Variants in POFUT3 observed in about 807,000 individuals in gnomAD.
POFUT3 encodes the protein protein O-fucosyltransferase 3, also known as GDP-fucose protein O-fucosyltransferase 3.
chr8:33,408,551 C>T, the POFUT3 span, among the ~76,000 whole-genome samples: 1 of 152,048 alleles, frequency 6.6e-6, no homozygotes, highest in African/African-American at 2.4e-5. Flanking sequence ...AGCATGGGCA[C>T]AAGAAGCATG....
the POFUT3 span, among the ~76,000 whole-genome samples, chr8:33,309,301 T>C: frequency 6.6e-6 from 1 of 150,604 alleles, no homozygotes; most frequent in African/African-American, 2.5e-5. Flanking sequence ...TGGCTTATTA[T>C]ATCTGCATTG....
At chr8:33,423,598 G>A in the POFUT3 span, among the ~76,000 whole-genome samples, 1 of 151,918 alleles carries the variant, frequency 6.6e-6, no homozygotes, top group Non-Finnish European at 1.5e-5. Context: ...ACCCTCACAG[G>A]CATGCCATAT....
At chr8:33,370,169 T>TAAAAAA in the POFUT3 span, among the ~76,000 whole-genome samples, 27 of 39,896 alleles carry the variant, frequency 6.8e-4, 4 homozygotes, top group South Asian at 3.1e-3. Flanking sequence ...CCATCTTTAC[T>TAAAAAA]AAAAAAAAAA....
At chr8:33,429,490 T>C in the POFUT3 span, among the ~76,000 whole-genome samples, 1 of 152,156 alleles carries the variant, frequency 6.6e-6, no homozygotes, top group South Asian at 2.1e-4. Flanking sequence ...TTCCAAGGAA[T>C]AATACAGTAT....
the POFUT3 span, among the ~76,000 whole-genome samples, chr8:33,458,953 G>A: frequency 1.3e-5 from 2 of 152,150 alleles, no homozygotes; most frequent in South Asian, 4.1e-4. Context: ...CTACACAGAA[G>A]GGAGATCCTG....
At chr8:33,385,886 A>T in the POFUT3 span, among the ~76,000 whole-genome samples, 3 of 151,836 alleles carry the variant, frequency 2.0e-5, no homozygotes, top group African/African-American at 7.3e-5. Context: ...CCTGTAAAAT[A>T]AGTGCAAATG....
At chr8:33,318,380 G>A in the POFUT3 span, among the ~76,000 whole-genome samples, 1 of 148,164 alleles carries the variant, frequency 6.7e-6, no homozygotes, top group Non-Finnish European at 1.5e-5. Flanking sequence ...TGCACAAAAA[G>A]GGAAAAGAGT....
the POFUT3 span, among the ~76,000 whole-genome samples, chr8:33,314,015 T>A: frequency 1.3e-5 from 2 of 152,166 alleles, no homozygotes; most frequent in Non-Finnish European, 2.9e-5. Flanking sequence ...CCTCTAGGTA[T>A]CCTTTGTGCT....
the POFUT3 span, among the ~76,000 whole-genome samples, chr8:33,441,341 A>AC: frequency 1.3e-5 from 2 of 151,064 alleles, no homozygotes; most frequent in African/African-American, 4.9e-5. Flanking sequence ...AAAAAAAAAA[A>AC]AATGCAAGTT....
the POFUT3 span, among the ~76,000 whole-genome samples, chr8:33,425,086 A>G: frequency 2.0e-5 from 3 of 152,200 alleles, no homozygotes; most frequent in African/African-American, 7.2e-5. Context: ...CTGTAATCCC[A>G]GGACTTTGGG....
the POFUT3 span, among the ~76,000 whole-genome samples, chr8:33,346,605 G>A: frequency 3.3e-5 from 5 of 152,178 alleles, no homozygotes; most frequent in South Asian, 6.2e-4. Context: ...GATGTTACTC[G>A]ATATTCCACA....
the POFUT3 span, among the ~76,000 whole-genome samples, chr8:33,461,907 C>T: frequency 6.6e-6 from 1 of 151,622 alleles, no homozygotes; most frequent in Non-Finnish European, 1.5e-5. Flanking sequence ...CTCCTGTAAT[C>T]CCAGCACTTT....
At chr8:33,405,786 C>G in the POFUT3 span, among the ~76,000 whole-genome samples, 1 of 152,086 alleles carries the variant, frequency 6.6e-6, no homozygotes, top group Non-Finnish European at 1.5e-5. Flanking sequence ...GTGTCCTAAG[C>G]TTTTCTGAGA....
the POFUT3 span, among the ~76,000 whole-genome samples, chr8:33,469,576 G>A: frequency 6.6e-6 from 1 of 152,028 alleles, no homozygotes; most frequent in Non-Finnish European, 1.5e-5. Flanking sequence ...GAACACCTCT[G>A]CACTTCTATT....
At chr8:33,413,512 G>A in the POFUT3 span, among the ~76,000 whole-genome samples, 1 of 152,148 alleles carries the variant, frequency 6.6e-6, no homozygotes, top group African/African-American at 2.4e-5. Context: ...CTCCAAAACT[G>A]AGAAATTAGT....
chr8:33,330,476 C>T, the POFUT3 span, among the ~76,000 whole-genome samples: 1,129 of 152,136 alleles, frequency 7.4e-3, 8 homozygotes, highest in Non-Finnish European at 0.012. Context: ...AAAATTTCCA[C>T]CCCTCAAAGA....
the POFUT3 span, among the ~76,000 whole-genome samples, chr8:33,399,877 C>T: frequency 6.6e-6 from 1 of 151,872 alleles, no homozygotes; most frequent in South Asian, 2.1e-4. Flanking sequence ...TGGTCTCGAA[C>T]TCCTGACCTC....
At chr8:33,429,647 G>C in the POFUT3 span, among the ~76,000 whole-genome samples, 1 of 151,912 alleles carries the variant, frequency 6.6e-6, no homozygotes, top group Non-Finnish European at 1.5e-5. Flanking sequence ...AGGTACAGGA[G>C]GTACGAGTGC....
the POFUT3 span, among the ~76,000 whole-genome samples, chr8:33,385,879 G>A: frequency 2.7e-4 from 41 of 151,302 alleles, no homozygotes; most frequent in Admixed American, 9.9e-4. Context: ...AACGAATCCT[G>A]TAAAATAAGT....
Sources: allele counts gnomAD v4.1 joint callset (sites outside exome capture counted in the v4.1 genomes callset), GRCh38; gene constraint gnomAD v4.1.1; transcripts MANE v1.5; gene names NCBI Gene and HGNC (gene_info 2026-07-23, HGNC 2026-07-21).